Variants in CACNA2D3 observed in about 807,000 individuals in gnomAD.
CACNA2D3 encodes calcium voltage-gated channel auxiliary subunit alpha2delta 3, also known as voltage-dependent calcium channel subunit alpha-2/delta-3.
CACNA2D3 carries 60 observed loss-of-function variants against 160.6 expected under a neutral mutation model. That is an observed-to-expected ratio of 0.37 (90% CI 0.30 to 0.46). The LOEUF (loss-of-function observed/expected upper bound fraction) is 0.46, where lower values mean the gene tolerates loss of function less well. Among genes scored for constraint, CACNA2D3 ranks in the 20% least tolerant of loss-of-function variants. CACNA2D3 has a pLI of 1.00. For missense variants in CACNA2D3, 1,205 were observed against 1,365.0 expected (o/e 0.88, Z 1.85); for synonymous variants, 558 against 492.9 (o/e 1.13, Z -1.75).
At chr3:54,643,292 G>A (rs57670447) in intron 11 of CACNA2D3, among the ~76,000 whole-genome samples, 11,577 of 152,260 alleles carry the variant, frequency 0.076, 676 homozygotes, top group African/African-American at 0.17. Context: ...CATGAGATGG[G>A]AGGTGTCTTT....
intron 2 of CACNA2D3, among the ~76,000 whole-genome samples, chr3:54,131,994 G>T (rs1333973000): frequency 6.6e-6 from 1 of 152,154 alleles, no homozygotes; most frequent in Non-Finnish European, 1.5e-5. Flanking sequence ...AAGAACAATA[G>T]ATGTGGGAGA....
At chr3:54,554,870 CTTTTTTTTTTT>C (rs66526065) in intron 5 of CACNA2D3, among the ~76,000 whole-genome samples, 4 of 96,168 alleles carry the variant, frequency 4.2e-5, no homozygotes, top group South Asian at 4.3e-4. Context: ...CTCTCACTCT[CTTTTTTTTTTT>C]TTTTTTTTTT....
intron 4 of CACNA2D3, among the ~76,000 whole-genome samples, chr3:54,456,373 T>C (rs1700396436): frequency 6.6e-6 from 1 of 152,070 alleles, no homozygotes; most frequent in Admixed American, 6.6e-5. Flanking sequence ...GTTGTTGGTG[T>C]GTAGGAATAC....
At chr3:54,470,374 C>A (rs976091320) in intron 4 of CACNA2D3, among the ~76,000 whole-genome samples, 1 of 152,174 alleles carries the variant, frequency 6.6e-6, no homozygotes, top group Non-Finnish European at 1.5e-5. Flanking sequence ...TACAGAGAAG[C>A]AAATGGTGAG....
intron 27 of CACNA2D3, among the ~76,000 whole-genome samples, chr3:54,932,778 C>T (rs1321288098): frequency 1.3e-5 from 2 of 152,210 alleles, no homozygotes; most frequent in African/African-American, 4.8e-5. Context: ...CAACAGGCTC[C>T]TCATCCAAAC....
At chr3:54,542,677 G>T (rs1408091691) in intron 5 of CACNA2D3, among the ~76,000 whole-genome samples, 1 of 152,044 alleles carries the variant, frequency 6.6e-6, no homozygotes, top group Non-Finnish European at 1.5e-5. Flanking sequence ...ACCTTCTCCT[G>T]CTTGGTTTAT....
At chr3:54,458,233 C>T (rs986031198) in intron 4 of CACNA2D3, among the ~76,000 whole-genome samples, 2 of 151,976 alleles carry the variant, frequency 1.3e-5, no homozygotes, top group Admixed American at 1.3e-4. Flanking sequence ...TTTTCTCTTA[C>T]TTCTATGTGT....
At chr3:54,412,610 C>CTTTTTTT (rs774491527) in intron 4 of CACNA2D3, among the ~76,000 whole-genome samples, 3 of 120,618 alleles carry the variant, frequency 2.5e-5, no homozygotes, top group Admixed American at 8.4e-5. Flanking sequence ...TGGTCTTGTT[C>CTTTTTTT]TTTTTTTTTT....
chr3:54,529,729 G>A (rs920013957), intron 5 of CACNA2D3, among the ~76,000 whole-genome samples: 22 of 152,184 alleles, frequency 1.4e-4, no homozygotes, highest in African/African-American at 2.2e-4. Flanking sequence ...AAAAAAAATG[G>A]CCGTATTCTT....
At chr3:54,295,658 CTTAG>C (rs768755368) in intron 2 of CACNA2D3, among the ~76,000 whole-genome samples, 11 of 152,134 alleles carry the variant, frequency 7.2e-5, no homozygotes, top group African/African-American at 2.4e-4. Context: ...TCACTTATGC[CTTAG>C]TTAGTCTAGC....
chr3:54,368,772 G>A (rs943350430), intron 3 of CACNA2D3, among the ~76,000 whole-genome samples: 15 of 134,126 alleles, frequency 1.1e-4, no homozygotes, highest in African/African-American at 3.2e-4. Flanking sequence ...CACGATCTCG[G>A]CTCACTGCAA....
At chr3:54,977,749 G>A (rs776943598) in intron 29 of CACNA2D3, among the ~76,000 whole-genome samples, 85 of 152,086 alleles carry the variant, frequency 5.6e-4, no homozygotes, top group Non-Finnish European at 1.6e-4. Flanking sequence ...TTACCTGAAA[G>A]GGATCCCAAT....
intron 14 of CACNA2D3, among the ~76,000 whole-genome samples, chr3:54,820,986 G>C (rs1359198075): frequency 1.3e-5 from 2 of 152,098 alleles, no homozygotes; most frequent in Non-Finnish European, 2.9e-5. Context: ...AACGTAGAGT[G>C]GGCCCGAATG....
intron 2 of CACNA2D3, among the ~76,000 whole-genome samples, chr3:54,254,809 C>T (rs1388267218): frequency 6.6e-6 from 1 of 152,174 alleles, no homozygotes; most frequent in African/African-American, 2.4e-5. Context: ...AGCTTGTATA[C>T]TCTAAGGGAG....
intron 2 of CACNA2D3, among the ~76,000 whole-genome samples, chr3:54,185,589 G>A (rs1442460872): frequency 6.6e-6 from 1 of 152,112 alleles, no homozygotes; most frequent in Non-Finnish European, 1.5e-5. Context: ...ACTAAATCCT[G>A]TAGACCAAAG....
chr3:54,904,230 G>T (rs1463127786), intron 27 of CACNA2D3, among the ~76,000 whole-genome samples: 1 of 152,176 alleles, frequency 6.6e-6, no homozygotes, highest in Admixed American at 6.5e-5. Context: ...GCTGATCGTG[G>T]TGGTGATTCT....
intron 2 of CACNA2D3, among the ~76,000 whole-genome samples, chr3:54,273,323 A>G (rs972995159): frequency 1.3e-5 from 2 of 151,910 alleles, no homozygotes; most frequent in African/African-American, 2.4e-5. Flanking sequence ...GAAGTGGGAA[A>G]ATATATATTT....
At chr3:54,193,802 A>C (rs1436968509) in intron 2 of CACNA2D3, among the ~76,000 whole-genome samples, 1 of 152,196 alleles carries the variant, frequency 6.6e-6, no homozygotes, top group African/African-American at 2.4e-5. Flanking sequence ...TGAGAGACCT[A>C]GGTTCTAATT....
At chr3:54,234,253 A>G (rs1701833146) in intron 2 of CACNA2D3, among the ~76,000 whole-genome samples, 1 of 152,228 alleles carries the variant, frequency 6.6e-6, no homozygotes, top group Admixed American at 6.5e-5. Context: ...AGCTCAGATC[A>G]TTAGAGAAAT....
Sources: allele counts gnomAD v4.1 joint callset (sites outside exome capture counted in the v4.1 genomes callset), GRCh38; gene constraint gnomAD v4.1.1; transcripts MANE v1.5; gene names NCBI Gene and HGNC (gene_info 2026-07-23, HGNC 2026-07-21).